BCAS3: variants seen among roughly 807,000 people sequenced by gnomAD.
BCAS3 encodes BCAS4/BCAS3 fusion.
BCAS3 carries 53 observed loss-of-function variants against 116.1 expected under a neutral mutation model. That is an observed-to-expected ratio of 0.46 (90% CI 0.37 to 0.57). The LOEUF (loss-of-function observed/expected upper bound fraction) is 0.57, where lower values mean the gene tolerates loss of function less well. Ranked by LOEUF, BCAS3 falls within the 20% of genes least tolerant of loss-of-function variation. BCAS3 has a pLI of 0.00. For synonymous variants in BCAS3, 391 were observed against 408.2 expected (o/e 0.96, Z 0.51); for missense variants, 917 against 1,165.4 (o/e 0.79, Z 3.10).
chr17:60,790,837 C>T (rs1251494843), intron 6 of BCAS3, among the ~76,000 whole-genome samples: 2 of 149,894 alleles, frequency 1.3e-5, no homozygotes, highest in South Asian at 2.1e-4. Flanking sequence ...TCTGCCTCCC[C>T]GGTTTAAGCA....
At chr17:60,969,034 A>G (rs1163968488) in intron 14 of BCAS3, among the ~76,000 whole-genome samples, 1 of 140,936 alleles carries the variant, frequency 7.1e-6, no homozygotes, top group Non-Finnish European at 1.6e-5. Flanking sequence ...TGCCAGGCAG[A>G]ATCGGGGGAG....
chr17:60,972,779 T>G (rs976066035), intron 14 of BCAS3, among the ~76,000 whole-genome samples: 3 of 152,204 alleles, frequency 2.0e-5, no homozygotes, highest in Admixed American at 6.5e-5. Flanking sequence ...TTATCAGTTC[T>G]GAAGGATAAA....
intron 11 of BCAS3, among the ~76,000 whole-genome samples, chr17:60,909,591 C>G (rs1232926085): frequency 1.3e-5 from 2 of 151,794 alleles, no homozygotes; most frequent in East Asian, 3.9e-4. Context: ...ATGATGATAC[C>G]CTTCTTCAGC....
intron 5 of BCAS3, among the ~76,000 whole-genome samples, chr17:60,715,343 G>GC (rs2038460662): frequency 6.6e-6 from 1 of 151,752 alleles, no homozygotes; most frequent in Non-Finnish European, 1.5e-5. Context: ...CACCATGTTG[G>GC]CCAGGCTGGT....
At chr17:61,271,424 A>ATTTTTTTTTTTTTTTTTTTTTT (rs71148400) in intron 22 of BCAS3, among the ~76,000 whole-genome samples, 1,381 of 70,178 alleles carry the variant, frequency 0.02, 280 homozygotes, top group Non-Finnish European at 0.023. Context: ...CCATGCCCGG[A>ATTTTTTTTTTTTTTTTTTTTTT]TTTTTTTTTT....
At chr17:60,708,074 A>G (rs749012992) in intron 4 of BCAS3, among the ~76,000 whole-genome samples, 38 of 152,118 alleles carry the variant, frequency 2.5e-4, no homozygotes, top group Non-Finnish European at 4.4e-4. Flanking sequence ...CTGCAATCCC[A>G]GCACTTTGGG....
Position 61,281,228 on chromosome 17 carries a change from T to A in BCAS3, c.2426-87099T>A, listed in dbSNP as rs150317954. Among the ~76,000 whole-genome samples the A allele has an allele frequency of 2.5e-3, 387 of 152,374 alleles. 5 individuals carry two copies. The highest frequency in any genetic ancestry group is 9.0e-3 in the African/African-American group (374 of 41,590). On this transcript the variant is annotated intron_variant, in intron 22 of 23. Transcript: ENST00000407086. The surrounding 1 kb of genome is among the most constrained non-coding windows in gnomAD (Gnocchi z 4.2). ...TAGTTTTCCACAATTTATTTCACAA[T>A]GCCTATTGTTGGATGTATAGATGGT... is the stretch of plus-strand genomic sequence containing the variant.
intron 5 of BCAS3, among the ~76,000 whole-genome samples, chr17:60,710,527 G>A (rs888122134): frequency 5.9e-5 from 9 of 151,468 alleles, no homozygotes; most frequent in Admixed American, 3.9e-4. Context: ...TGCCTCCCGG[G>A]TTAACGCCAT....
At chr17:60,948,005 CAT>C in intron 14 of BCAS3, among the ~76,000 whole-genome samples, 1 of 152,170 alleles carries the variant, frequency 6.6e-6, no homozygotes, top group Non-Finnish European at 1.5e-5. Context: ...CATGGGTACA[CAT>C]ATGTTCATAT....
In BCAS3 at chr17:61,012,019, C is replaced by T. The variant is rs1001839463; in HGVS notation, c.1487-3732C>T. ...CAAAATAAAAAGATAGAGATTCCTT[C>T]CTTTATGCTCAAAATTTGTATACCT... is the stretch of plus-strand genomic sequence containing the variant. On this transcript the variant is annotated intron_variant, in intron 15 of 23. Transcript: ENST00000407086. This position sits in a 1 kb window ranked among gnomAD's most constrained non-coding sequence, Gnocchi z 4.5. Among the ~76,000 whole-genome samples, 2 of 151,972 alleles carry T rather than the reference C, an allele frequency of 1.3e-5. No individual in the cohort carries two copies. Among genetic ancestry groups the T allele is most frequent in the Non-Finnish European group, 2.9e-5 (2 of 67,932 alleles).
intron 22 of BCAS3, among the ~76,000 whole-genome samples, chr17:61,290,233 G>T (rs2052253104): frequency 6.6e-6 from 1 of 152,100 alleles, no homozygotes; most frequent in Non-Finnish European, 1.5e-5. Context: ...TCATATTTTG[G>T]CTCAAAACGT....
chr17:60,971,900 T>A (rs1188710267), intron 14 of BCAS3, among the ~76,000 whole-genome samples: 1 of 152,222 alleles, frequency 6.6e-6, no homozygotes, highest in African/African-American at 2.4e-5. Context: ...AATTAGAACT[T>A]TGTAGCTGGT....
chr17:60,768,656 G>C (rs2044352750), intron 6 of BCAS3, among the ~76,000 whole-genome samples: 1 of 152,086 alleles, frequency 6.6e-6, no homozygotes, highest in Admixed American at 6.6e-5. Flanking sequence ...GACTAATATG[G>C]TAGCTTTGAG....
intron 22 of BCAS3, among the ~76,000 whole-genome samples, chr17:61,320,250 GTC>G (rs1008386817): frequency 5.3e-5 from 8 of 151,960 alleles, no homozygotes; most frequent in Admixed American, 4.6e-4. Context: ...TTGAACTCAA[GTC>G]TCTTTTACTC....
chr17:60,962,356 C>T lies in BCAS3; in HGVS notation c.1221+15004C>T, dbSNP rs1480871546. On this transcript the variant is annotated intron_variant, in intron 14 of 23. Coordinates refer to ENST00000407086, the MANE Select transcript of BCAS3 (RefSeq NM_017679.5). This position sits in a 1 kb window ranked among gnomAD's most constrained non-coding sequence, Gnocchi z 4.4. ...CTCACCAGCATCTTTTATTGATTGT[C>T]CTTTTGATACAAGCCATTTTTACTA... 1.3e-5 allele frequency among the ~76,000 whole-genome samples: 2 copies of T among 152,016 alleles called. No homozygotes were observed. The highest frequency in any genetic ancestry group is 2.9e-5 in the Non-Finnish European group (2 of 67,990).
At position 61,235,609 on chromosome 17, in the gene BCAS3, T is replaced by C. The variant is rs1424652318; in HGVS notation, c.2426-132718T>C. Among the ~76,000 whole-genome samples, 1 of 151,934 alleles carries C rather than the reference T, an allele frequency of 6.6e-6. No homozygotes were observed. Among genetic ancestry groups the C allele is most frequent in the African/African-American group, 2.4e-5 (1 of 41,332 alleles). On this transcript the variant is annotated intron_variant, in intron 22 of 23. Coordinates refer to ENST00000407086, the MANE Select transcript of BCAS3 (RefSeq NM_017679.5). The surrounding 1 kb of genome is among the most constrained non-coding windows in gnomAD (Gnocchi z 5.0). ...CTGAGCTGGAGACCCCCGTTAGTGC[T>C]ACCTCTTTCTAAACAGCGCCAGCCA... is the stretch of plus-strand genomic sequence containing the variant.
intron 13 of BCAS3, among the ~76,000 whole-genome samples, chr17:60,944,199 TA>T (rs2060366380): frequency 6.6e-6 from 1 of 151,658 alleles, no homozygotes; most frequent in Non-Finnish European, 1.5e-5. Context: ...AGGTTAACCT[TA>T]AAAAGACCTT....
At chr17:60,776,529 A>G (rs2045302021) in intron 6 of BCAS3, among the ~76,000 whole-genome samples, 1 of 151,792 alleles carries the variant, frequency 6.6e-6, no homozygotes, top group Non-Finnish European at 1.5e-5. Context: ...GACTAGCCTG[A>G]CCAACATAGT....
At position 61,118,989 on chromosome 17, in the gene BCAS3, A is replaced by G. The variant is rs1024113168; in HGVS notation, c.2425+34425A>G. 6.6e-6 allele frequency among the ~76,000 whole-genome samples: 1 copy of G among 151,962 alleles called. No homozygotes were observed. The highest frequency in any genetic ancestry group is 1.5e-5 in the Non-Finnish European group (1 of 68,026). ...TGTTTGTCAATTACTTTAATATTCT[A>G]TATATTTTTAAATGGATGGTTGGTT... On this transcript the variant is annotated intron_variant, in intron 22 of 23. Coordinates refer to ENST00000407086, the MANE Select transcript of BCAS3 (RefSeq NM_017679.5). This position sits in a 1 kb window ranked among gnomAD's most constrained non-coding sequence, Gnocchi z 5.0.
Sources: allele counts gnomAD v4.1 joint callset (sites outside exome capture counted in the v4.1 genomes callset), GRCh38; gene constraint gnomAD v4.1.1; non-coding constraint Gnocchi (gnomAD v3.1); transcripts MANE v1.5; gene names NCBI Gene and HGNC (gene_info 2026-07-23, HGNC 2026-07-21).